ZFHX3: variants seen among roughly 807,000 people sequenced by gnomAD.
ZFHX3 encodes zinc finger homeobox 3.
A neutral mutation model predicts 279.1 loss-of-function variants in ZFHX3; 42 were observed. That is an observed-to-expected ratio of 0.15 (90% CI 0.12 to 0.19). The LOEUF (loss-of-function observed/expected upper bound fraction) is 0.19, where lower values mean the gene tolerates loss of function less well. ZFHX3 is among the 10% of genes least tolerant of loss of function. The pLI, the probability that ZFHX3 is intolerant of heterozygous loss-of-function variation, is 1.00. For synonymous variants in ZFHX3, 2,293 were observed against 1,957.8 expected (o/e 1.17, Z -4.52); for missense variants, 4,981 against 4,754.0 (o/e 1.05, Z -1.40).
chr16:73,468,143 C>A (rs1046342834), intron 2 of ZFHX3, among the ~76,000 whole-genome samples: 1 of 152,182 alleles, frequency 6.6e-6, no homozygotes, highest in African/African-American at 2.4e-5. Flanking sequence ...TCACATCAAC[C>A]AAGTCCAAAT....
chr16:73,271,378 T>G (rs1312779082), intron 4 of ZFHX3, among the ~76,000 whole-genome samples: 4 of 152,236 alleles, frequency 2.6e-5, no homozygotes, highest in Non-Finnish European at 5.9e-5. Context: ...TCACACCCCC[T>G]GCTCACTCCT....
At chr16:73,565,501 C>T (rs190986396) in intron 2 of ZFHX3, among the ~76,000 whole-genome samples, 17 of 152,240 alleles carry the variant, frequency 1.1e-4, no homozygotes, top group African/African-American at 3.4e-4. Context: ...CGTCCTTTTC[C>T]CGAAAGGTTA....
chr16:73,541,586 G>T (rs375896058), intron 2 of ZFHX3, among the ~76,000 whole-genome samples: 2 of 152,122 alleles, frequency 1.3e-5, no homozygotes, highest in East Asian at 1.9e-4. Flanking sequence ...TGACCTAGAG[G>T]CTCCAAAAAT....
rs192144240 is a variant in ZFHX3 at position 73,852,354 on chromosome 16, A to G, written c.-1608+39297T>C. On this transcript the variant is annotated intron_variant, in intron 1 of 17. Transcript: ENST00000641206. Reference sequence around the variant, plus strand: ...GGCGTCTGACTTCTTATATTTTCCAATGTGGTTGTCCTGAGCATTTTCATG... The same window carrying G: ...GGCGTCTGACTTCTTATATTTTCCAGTGTGGTTGTCCTGAGCATTTTCATG... 1.1e-4 allele frequency among the ~76,000 whole-genome samples: 16 copies of G among 152,266 alleles called. No homozygotes were observed. In the East Asian group the frequency reaches 2.1e-3, roughly 20 times the overall value.
At chr16:73,185,954 C>G (rs550682837) in intron 5 of ZFHX3, among the ~76,000 whole-genome samples, 1 of 152,136 alleles carries the variant, frequency 6.6e-6, no homozygotes, top group African/African-American at 2.4e-5. Context: ...CTCTGCCTCC[C>G]GTCAGATCAG....
At chr16:73,516,986 C>T (rs140302040) in intron 2 of ZFHX3, among the ~76,000 whole-genome samples, 147 of 152,296 alleles carry the variant, frequency 9.7e-4, no homozygotes, top group African/African-American at 3.4e-3. Context: ...CAGAAAAACG[C>T]ATGATCAACA....
intron 1 of ZFHX3, among the ~76,000 whole-genome samples, chr16:73,891,150 G>A (rs2030525079): frequency 6.6e-6 from 1 of 151,364 alleles, no homozygotes; most frequent in African/African-American, 2.4e-5. Context: ...CTAGAAAAAA[G>A]CCACACATTA....
intron 2 of ZFHX3, among the ~76,000 whole-genome samples, chr16:73,635,983 C>T (rs184553158): frequency 3.2e-4 from 49 of 152,252 alleles, no homozygotes; most frequent in African/African-American, 1.1e-3. Context: ...TAGTCATTTC[C>T]TCTTAGCATC....
intron 1 of ZFHX3, among the ~76,000 whole-genome samples, chr16:73,822,859 T>C (rs1157675505): frequency 6.6e-6 from 1 of 152,238 alleles, no homozygotes; most frequent in Non-Finnish European, 1.5e-5. Context: ...TAAGGCTACA[T>C]GTGCAAGCTC....
intron 4 of ZFHX3, among the ~76,000 whole-genome samples, chr16:72,856,771 G>A (rs2037764455): frequency 2.6e-5 from 4 of 152,150 alleles, no homozygotes; most frequent in Non-Finnish European, 1.5e-5. Context: ...ACAGAAGGTG[G>A]CCACCTTCTA....
chr16:73,615,352 G>A (rs1231374246), intron 2 of ZFHX3, among the ~76,000 whole-genome samples: 3 of 152,106 alleles, frequency 2.0e-5, no homozygotes, highest in East Asian at 1.9e-4. Context: ...CTCTCAGGAG[G>A]TAAGACAAGC....
At chr16:72,825,223 G>C (rs2143696067) in intron 5 of ZFHX3, among the ~76,000 whole-genome samples, 1 of 152,306 alleles carries the variant, frequency 6.6e-6, no homozygotes, top group South Asian at 2.1e-4. Flanking sequence ...CTTTCAGACT[G>C]AGCACAACGC....
rs1325082837 is a variant in ZFHX3, at chr16:73,787,834, TG to T, written c.-1608+103816del. Among the ~76,000 whole-genome samples, 28 of 147,976 alleles carry T rather than the reference TG, an allele frequency of 1.9e-4. 1 individual carries two copies. The highest frequency in any genetic ancestry group is 6.8e-4 in the African/African-American group (26 of 38,320). ...CTTAAAGTGTGTGTGTGTGTGTGTGTGTGTGTGTGTGTGTGTGTGAAAGAGA... is the reference window on the plus strand; with the variant it reads ...CTTAAAGTGTGTGTGTGTGTGTGTGTTGTGTGTGTGTGTGTGTGAAAGAGA... On this transcript the variant is annotated intron_variant, in intron 1 of 17. Transcript: ENST00000641206.
At chr16:73,630,049 T>C (rs929319429) in intron 2 of ZFHX3, among the ~76,000 whole-genome samples, 8 of 152,076 alleles carry the variant, frequency 5.3e-5, no homozygotes, top group African/African-American at 1.9e-4. Context: ...TTACAGAGAC[T>C]CAACCACTCT....
rs756387925 is a variant in ZFHX3 at position 72,811,984 on chromosome 16, C to A, written c.3584G>T (p.Arg1195Leu). 1.2e-6 allele frequency: 2 copies of A among 1,614,106 alleles called. No individual in the cohort carries two copies. Among genetic ancestry groups the A allele is most frequent in the Non-Finnish European group, 1.7e-6 (2 of 1,180,018 alleles). The change falls in exon 6 of 10, where the codon CGC becomes CTC. Residue 1195 changes from arginine (R) to leucine (L), a missense_variant. By Grantham distance (102) the Arg-to-Leu change is moderately radical. This residue lies in a region of ZFHX3 where 1,751 missense variants were observed against 1,770.0 expected (regional missense o/e 0.99). Coordinates refer to ENST00000268489, the MANE Select transcript of ZFHX3 (RefSeq NM_006885.4). Reference protein sequence around the residue: ...ELTDSPATSKRISFPGSSESP... With the variant: ...ELTDSPATSKLISFPGSSESP... Reference sequence around the variant, plus strand: ...CTCTGAGCTACCTGGGAAGGAGATGCGTTTGGAGGTTGCAGGAGAATCTGT... The same window carrying A: ...CTCTGAGCTACCTGGGAAGGAGATGAGTTTGGAGGTTGCAGGAGAATCTGT...
chr16:72,897,282 A>C (rs2038922928), intron 3 of ZFHX3, among the ~76,000 whole-genome samples: 1 of 152,192 alleles, frequency 6.6e-6, no homozygotes, highest in African/African-American at 2.4e-5. Flanking sequence ...ATGTAATCTC[A>C]CTAACAAACC....
At chr16:73,515,192 A>G (rs1221696633) in intron 2 of ZFHX3, among the ~76,000 whole-genome samples, 1 of 152,192 alleles carries the variant, frequency 6.6e-6, no homozygotes, top group African/African-American at 2.4e-5. Flanking sequence ...TGTGTGCAGA[A>G]GGGCAGCCCA....
chr16:73,645,634 C>T (rs79171429), intron 2 of ZFHX3, among the ~76,000 whole-genome samples: 9,241 of 152,138 alleles, frequency 0.061, 939 homozygotes, highest in African/African-American at 0.21. Flanking sequence ...CATGTTTCCC[C>T]TTCTTTATAA....
chr16:73,010,514 GA>G (rs1435840424), intron 1 of ZFHX3, among the ~76,000 whole-genome samples: 2 of 152,230 alleles, frequency 1.3e-5, no homozygotes, highest in African/African-American at 4.8e-5. Context: ...GCATTAAAGC[GA>G]AAATGCTGCA....
Sources: gnomAD v4.1 joint callset for allele counts (sites outside exome capture counted in the v4.1 genomes callset) on GRCh38, gnomAD v4.1.1 for gene constraint, gnomAD v4.1.1 regional missense constraint, MANE v1.5 for transcripts, NCBI Gene and HGNC (gene_info 2026-07-23, HGNC 2026-07-21) for gene names.